The following BRPF3 variants were observed in gnomAD, a reference collection of about 807,000 sequenced individuals.
BRPF3 encodes the protein bromodomain and PHD finger containing 3.
Under a neutral mutation model 102.0 loss-of-function variants are expected in BRPF3, and 18 were observed. The ratio of observed to expected loss-of-function variants is 0.18; its 90% CI spans 0.12 to 0.26. The LOEUF (loss-of-function observed/expected upper bound fraction) is 0.26, where lower values mean the gene tolerates loss of function less well. BRPF3 is among the 10% of genes least tolerant of loss of function. BRPF3 has a pLI of 1.00. For missense variants in BRPF3, 1,147 were observed against 1,567.8 expected (o/e 0.73, Z 4.53); for synonymous variants, 570 against 614.2 (o/e 0.93, Z 1.06).
chr6:36,212,704 A>G (rs1768170591), intron 7 of BRPF3, among the ~76,000 whole-genome samples: 1 of 152,096 alleles, frequency 6.6e-6, no homozygotes, highest in South Asian at 2.1e-4. Flanking sequence ...CTGTAATCCC[A>G]GCACTTTGGG....
chr6:36,221,723 A>C (rs1174171060), intron 9 of BRPF3, among the ~76,000 whole-genome samples: 1 of 152,228 alleles, frequency 6.6e-6, no homozygotes, highest in Non-Finnish European at 1.5e-5. Context: ...TGTCCACTTT[A>C]GAAAATTTGG....
At chr6:36,203,948 A>C (rs2127277932) in intron 2 of BRPF3, among the ~76,000 whole-genome samples, 1 of 152,324 alleles carries the variant, frequency 6.6e-6, no homozygotes, top group Middle Eastern at 3.4e-3. Context: ...GATATTAAAG[A>C]CAGATATTAT....
At position 36,210,476 on chromosome 6, in the gene BRPF3, C is replaced by T. The variant is rs746091562; in HGVS notation, c.2127C>T (p.His709=). 1 of 1,605,144 alleles carries T rather than the reference C, an allele frequency of 6.2e-7. No individual in the cohort carries two copies. The highest frequency in any genetic ancestry group is 8.5e-7 in the Non-Finnish European group (1 of 1,179,672). ...NIGYDPERGT[H]LPESPKLEDF... ...GCTATGACCCCGAGAGGGGCACTCA[C>T]CTGCCCGAGTCACCCAAATTGGAAG... The change falls in exon 6 of 13, where the codon CAC becomes CAT. Residue 709 remains histidine, a synonymous_variant. Transcript: ENST00000357641. This position sits in a 1 kb window ranked among gnomAD's most constrained non-coding sequence, Gnocchi z 4.7.
rs1485676320 is a variant in BRPF3 at position 36,230,613 on chromosome 6, C to A, written c.*4C>A. Reference sequence around the variant, plus strand: ...CGTCACTTCCAGCTACCTGTAAGGGCAGGGCTGGGCCTGCATCCGCTTGCC... The same window carrying A: ...CGTCACTTCCAGCTACCTGTAAGGGAAGGGCTGGGCCTGCATCCGCTTGCC... On this transcript the variant is annotated 3_prime_UTR_variant, in exon 13 of 13. Coordinates refer to ENST00000357641, the MANE Select transcript of BRPF3 (RefSeq NM_015695.3). The surrounding 1 kb of genome is among the most constrained non-coding windows in gnomAD (Gnocchi z 5.4). 2 of 1,604,418 alleles carry A rather than the reference C, an allele frequency of 1.2e-6. No homozygotes were observed. Among genetic ancestry groups the A allele is most frequent in the South Asian group, 2.2e-5 (2 of 90,858 alleles).
At chr6:36,216,360 C>G (rs776259887) in intron 8 of BRPF3, among the ~76,000 whole-genome samples, 3 of 152,300 alleles carry the variant, frequency 2.0e-5, no homozygotes, top group African/African-American at 7.2e-5. Context: ...TAGCTCTGTA[C>G]ATGAGGCCCA....
chr6:36,225,237 G>A (rs1200738812), intron 10 of BRPF3, 30 bp from the exon 11 acceptor site: 9 of 1,590,776 alleles, frequency 5.7e-6, no homozygotes, highest in Non-Finnish European at 7.7e-6. Flanking sequence ...TCCCCTTTGG[G>A]TGCTGTCTCC....
Position 36,222,185 on chromosome 6 carries a change from A to C in BRPF3, c.3101A>C (p.Lys1034Thr). 6.5e-7 allele frequency: 1 copy of C among 1,550,298 alleles called. No homozygotes were observed. Among genetic ancestry groups the C allele is most frequent in the Non-Finnish European group, 8.7e-7 (1 of 1,147,076 alleles). The change falls in exon 10 of 13, where the codon AAA becomes ACA. Residue 1034 changes from lysine to threonine, a missense_variant. This residue lies in a region of BRPF3 where 379 missense variants were observed against 426.3 expected (regional missense o/e 0.89). Coordinates refer to ENST00000357641, the MANE Select transcript of BRPF3 (RefSeq NM_015695.3). ...FEACSGLTPP[K>T]RSRGKPALSR... ...GTGTGCAGTGGTCTGACGCCCCCCA[A>C]ACGCAGCCGTGGGAAGCCAGCCCTG...
At chr6:36,220,729 T>A (rs1768505809) in intron 9 of BRPF3, among the ~76,000 whole-genome samples, 1 of 152,258 alleles carries the variant, frequency 6.6e-6, no homozygotes, top group Admixed American at 6.5e-5. Flanking sequence ...ATCCTAAATG[T>A]AAACTGGGTA....
At chr6:36,226,909 G>T (rs1384881763) in intron 11 of BRPF3, among the ~76,000 whole-genome samples, 3 of 152,248 alleles carry the variant, frequency 2.0e-5, no homozygotes, top group African/African-American at 7.2e-5. Flanking sequence ...CGGTGAAACC[G>T]CAGGACTCCC....
Position 36,218,004 on chromosome 6 carries a change from C to T in BRPF3, c.3077C>T (p.Ala1026Val), listed in dbSNP as rs749367582. The T allele has an allele frequency of 1.4e-5, 22 of 1,612,430 alleles. No homozygotes were observed. Among genetic ancestry groups the T allele is most frequent in the Non-Finnish European group, 1.7e-5 (20 of 1,179,300 alleles). Residue 1026 changes from alanine to valine, a missense_variant, in exon 9 of 13, where the codon GCT (alanine) becomes GTT (valine). By Grantham distance (64) the Ala-to-Val change is moderately conservative. This residue lies in a region of BRPF3 where 379 missense variants were observed against 426.3 expected (regional missense o/e 0.89). Coordinates refer to ENST00000357641, the MANE Select transcript of BRPF3 (RefSeq NM_015695.3). ...CTCAGTGGTGGACTGGCATTTGAAG[C>T]TTGCAGGTAAGAACACATTCCCAAA... is the stretch of plus-strand genomic sequence containing the variant. ...LGLSGGLAFEACSGLTPPKRS... is the reference protein window; with the variant it reads ...LGLSGGLAFEVCSGLTPPKRS...
chr6:36,221,158 G>T (rs1438370299), intron 9 of BRPF3, among the ~76,000 whole-genome samples: 2 of 152,090 alleles, frequency 1.3e-5, no homozygotes, highest in African/African-American at 4.8e-5. Context: ...GATGATGCCC[G>T]GGTGGGCTTC....
At position 36,201,558 on chromosome 6, in the gene BRPF3, G is replaced by A; in HGVS notation, c.1236G>A (p.Gly412=). 2 of 1,614,090 alleles carry A rather than the reference G, an allele frequency of 1.2e-6. 1 individual carries two copies. The highest frequency in any genetic ancestry group is 2.2e-5 in the South Asian group (2 of 91,066). The change falls in exon 2 of 13, where the codon GGG becomes GGA. Residue 412 remains glycine (G), a synonymous_variant. Coordinates refer to ENST00000357641, the MANE Select transcript of BRPF3 (RefSeq NM_015695.3). The surrounding 1 kb of genome is among the most constrained non-coding windows in gnomAD (Gnocchi z 5.1). ...RSISETGDEE[G]LKEGDGEEEE... ...TCAGTGAGACTGGCGATGAGGAAGGGCTGAAGGAGGGTGATGGAGAGGAGG... is the reference window on the plus strand; with the variant it reads ...TCAGTGAGACTGGCGATGAGGAAGGACTGAAGGAGGGTGATGGAGAGGAGG...
chr6:36,227,354 A>T (rs1033873844), intron 11 of BRPF3, among the ~76,000 whole-genome samples: 12 of 152,196 alleles, frequency 7.9e-5, no homozygotes, highest in African/African-American at 2.7e-4. Flanking sequence ...AGCATTTTGT[A>T]TCGTTCTATT....
At chr6:36,222,807 T>C (rs1363429587) in intron 10 of BRPF3, among the ~76,000 whole-genome samples, 1 of 152,220 alleles carries the variant, frequency 6.6e-6, no homozygotes, top group Non-Finnish European at 1.5e-5. Context: ...TTAGATTGTT[T>C]TCATTTATTA....
intron 9 of BRPF3, among the ~76,000 whole-genome samples, chr6:36,220,616 C>A (rs1768501098): frequency 6.6e-6 from 1 of 152,162 alleles, no homozygotes; most frequent in South Asian, 2.1e-4. Context: ...TTGACGTGAA[C>A]TTTGAGAGGC....
chr6:36,225,920 T>C (rs774215612), intron 11 of BRPF3, among the ~76,000 whole-genome samples: 9 of 152,344 alleles, frequency 5.9e-5, no homozygotes, highest in East Asian at 1.9e-4. Context: ...ACAAAAAATG[T>C]ATAAATATGC....
chr6:36,212,754 C>T (rs2127287327), intron 7 of BRPF3, among the ~76,000 whole-genome samples: 2 of 151,468 alleles, frequency 1.3e-5, no homozygotes, highest in East Asian at 3.9e-4. Context: ...GAGATCGAGA[C>T]CATCCTGGCT....
rs1768909126 is a variant in BRPF3, at chr6:36,230,649, C to T, written c.*40C>T. ...CTGCATCCGCTTGCCCTGCCTCCAT[C>T]CCGCAGGGCACAGAGAAGCCTCTTC... is the stretch of plus-strand genomic sequence containing the variant. On this transcript the variant is annotated 3_prime_UTR_variant, in exon 13 of 13. Coordinates refer to ENST00000357641, the MANE Select transcript of BRPF3 (RefSeq NM_015695.3). The surrounding 1 kb of genome is among the most constrained non-coding windows in gnomAD (Gnocchi z 5.4). The T allele has an allele frequency of 1.9e-6, 3 of 1,595,354 alleles. No individual in the cohort carries two copies. Among genetic ancestry groups the T allele is most frequent in the East Asian group, 2.2e-5 (1 of 44,570 alleles).
At chr6:36,212,352 C>A (rs1768152868) in intron 7 of BRPF3, among the ~76,000 whole-genome samples, 1 of 152,030 alleles carries the variant, frequency 6.6e-6, no homozygotes, top group South Asian at 2.1e-4. Context: ...GAAGTTACTT[C>A]CAATGGATAG....
Sources: gnomAD v4.1 joint callset for allele counts (sites outside exome capture counted in the v4.1 genomes callset) on GRCh38, gnomAD v4.1.1 for gene constraint, gnomAD v4.1.1 regional missense constraint, Gnocchi (gnomAD v3.1) non-coding constraint, MANE v1.5 for transcripts, NCBI Gene and HGNC (gene_info 2026-07-23, HGNC 2026-07-21) for gene names.